OR5D18: variants seen among roughly 807,000 people sequenced by gnomAD.
OR5D18 encodes olfactory receptor family 5 subfamily D member 18.
For synonymous variants in OR5D18, 158 were observed against 152.5 expected, an observed-to-expected ratio of 1.04 and a Z score of -0.27; for missense variants, 394 against 367.3, an observed-to-expected ratio of 1.07 and a Z score of -0.59.
rs745671325 is a variant in OR5D18, at chr11:55,820,211, C to A, written c.582C>A (p.Tyr194Ter). 1.2e-6 allele frequency: 2 copies of A among 1,613,930 alleles called. No individual in the cohort carries two copies. The highest frequency in any genetic ancestry group is 2.2e-5 in the South Asian group (2 of 91,080). The change falls in exon 1 of 1, where the codon TAC becomes TAA. Residue 194 changes from tyrosine (Y) to a stop codon, truncating the protein, a stop_gained. Transcript: ENST00000333976. LOFTEE classifies it low-confidence loss of function (END_TRUNC). ...TCTCCCTTTCTTGCTCTGATACTTA[C>A]ATCAACCAGTGGCTGCTATTCTTTC... is the stretch of plus-strand genomic sequence containing the variant. ...SLLSLSCSDT[Y>*]INQWLLFFLA...
In OR5D18 at chr11:55,820,152, A is replaced by G; in HGVS notation, c.523A>G (p.Ile175Val). 1 of 1,613,898 alleles carries G rather than the reference A, an allele frequency of 6.2e-7. No individual in the cohort carries two copies. Among genetic ancestry groups the G allele is most frequent in the Non-Finnish European group, 8.5e-7 (1 of 1,179,980 alleles). ...LKLCFHGFNT[I>V]NHFFCEFSSL... ...GTTATGTTTTCATGGTTTCAACACA[A>G]TCAATCACTTCTTCTGTGAGTTCTC... is the stretch of plus-strand genomic sequence containing the variant. Residue 175 changes from isoleucine to valine, a missense_variant, in exon 1 of 1, where the codon ATC (isoleucine) becomes GTC (valine). Coordinates refer to ENST00000333976, the MANE Select transcript of OR5D18 (RefSeq NM_001001952.1).
In OR5D18 at chr11:55,820,423, C is replaced by G. The variant is rs145649648; in HGVS notation, c.794C>G (p.Ser265Cys). 21 of 1,613,780 alleles carry G rather than the reference C, an allele frequency of 1.3e-5. No homozygotes were observed. In the South Asian group the frequency reaches 2.0e-4, roughly 15 times the overall value. Residue 265 changes from serine to cysteine, a missense_variant, in exon 1 of 1, where the codon TCC becomes TGC. Physicochemically the swap from Ser to Cys is moderately radical, Grantham distance 112 (BLOSUM62 -1). Transcript: ENST00000333976. ...CTCTTCCTTTACTGTGTGCCCAACT[C>G]CAAAAACTCCAGGCACACAGTCAAA... ...TILFLYCVPN[S>C]KNSRHTVKVA...
chr11:55,820,293 ATTG>A lies in OR5D18; in HGVS notation c.669_671del (p.Val224del). The A allele has an allele frequency of 6.2e-7, 1 of 1,613,886 alleles. No individual in the cohort carries two copies. ...CATCGTTCTCACATCTTATGCGTTC[ATTG>A]TTGTAACCATCCTCAAGATGCGTTC... On this transcript the variant is annotated inframe_deletion, in exon 1 of 1. Transcript: ENST00000333976.
rs766606433 is a variant in OR5D18 at position 55,820,080 on chromosome 11, GCC to G, written c.452_453del (p.Ala151ValfsTer30). ...LCVLLVVGSY[A>X]WGVSCSLELT... ...CGTGCTGCTGGTTGTGGGATCCTAT[GCC>G]TGGGGAGTCTCATGTTCCTTGGAAC... On this transcript the variant is annotated frameshift_variant, in exon 1 of 1. Transcript: ENST00000333976. LOFTEE classifies it low-confidence loss of function (END_TRUNC). 7 of 1,613,922 alleles carry G rather than the reference GCC, an allele frequency of 4.3e-6. No homozygotes were observed. In the South Asian group the frequency reaches 7.7e-5, roughly 18 times the overall value.
rs200882880 is a variant in OR5D18, at chr11:55,820,128, T to G, written c.499T>G (p.Leu167Val). The change falls in exon 1 of 1, where the codon TTA becomes GTA. Residue 167 changes from leucine (L) to valine (V), a missense_variant. Coordinates refer to ENST00000333976, the MANE Select transcript of OR5D18 (RefSeq NM_001001952.1). ...GGAACTGACGTGCTCTGCTTTAAAG[T>G]TATGTTTTCATGGTTTCAACACAAT... The part of the protein sequence containing the change: ...SLELTCSALK[L>V]CFHGFNTINH... The G allele has an allele frequency of 1.9e-5, 31 of 1,613,936 alleles. No individual in the cohort carries two copies. In the Admixed American group the frequency reaches 2.0e-4, roughly 10 times the overall value.
Position 55,820,078 on chromosome 11 carries a change from A to C in OR5D18, c.449A>C (p.Tyr150Ser). The C allele has an allele frequency of 1.9e-6, 3 of 1,613,866 alleles. No homozygotes were observed. In the Admixed American group the frequency reaches 5.0e-5, roughly 27 times the overall value. ...TGCGTGCTGCTGGTTGTGGGATCCT[A>C]TGCCTGGGGAGTCTCATGTTCCTTG... is the stretch of plus-strand genomic sequence containing the variant. ...KLCVLLVVGS[Y>S]AWGVSCSLEL... Residue 150 changes from tyrosine to serine, a missense_variant, in exon 1 of 1, where the codon TAT becomes TCT. Transcript: ENST00000333976.
chr11:55,820,381 T>C lies in OR5D18; in HGVS notation c.752T>C (p.Ile251Thr). The C allele has an allele frequency of 6.2e-7, 1 of 1,614,030 alleles. No individual in the cohort carries two copies. Residue 251 changes from isoleucine to threonine, a missense_variant, in exon 1 of 1, where the codon ATC becomes ACC. Transcript: ENST00000333976. ...GCCTCCCACCTGACTGCCATCACCA[T>C]CTTCCATGGCACCATCCTCTTCCTT... ...TCASHLTAITIFHGTILFLYC... is the reference protein window; with the variant it reads ...TCASHLTAITTFHGTILFLYC...
In OR5D18 at chr11:55,819,768, A is replaced by T. The variant is rs946951910; in HGVS notation, c.139A>T (p.Ile47Phe). Residue 47 changes from isoleucine to phenylalanine, a missense_variant, in exon 1 of 1, where the codon ATT (isoleucine) becomes TTT (phenylalanine). By Grantham distance (21) the Ile-to-Phe change is conservative. Transcript: ENST00000333976. ...NVTVLGNIGLIVIIKINPKLH... is the reference protein window; with the variant it reads ...NVTVLGNIGLFVIIKINPKLH... ...CACTGTGCTAGGGAATATTGGGTTG[A>T]TTGTGATCATCAAAATCAACCCCAA... 2 of 1,613,864 alleles carry T rather than the reference A, an allele frequency of 1.2e-6. No homozygotes were observed. The highest frequency in any genetic ancestry group is 2.7e-5 in the African/African-American group (2 of 74,840).
Position 55,820,307 on chromosome 11 carries a change from C to A in OR5D18, c.678C>A (p.Ile226=). The change falls in exon 1 of 1, where the codon ATC becomes ATA. Residue 226 remains isoleucine, a synonymous_variant. Transcript: ENST00000333976. The part of the protein sequence containing the change: ...LTSYAFIVVT[I]LKMRSVSGRR... ...CTTATGCGTTCATTGTTGTAACCAT[C>A]CTCAAGATGCGTTCAGTCAGTGGGC... The A allele has an allele frequency of 6.2e-7, 1 of 1,613,946 alleles. No homozygotes were observed. Among genetic ancestry groups the A allele is most frequent in the Non-Finnish European group, 8.5e-7 (1 of 1,180,022 alleles).
Position 55,819,672 on chromosome 11 carries a change from C to G in OR5D18, c.43C>G (p.Leu15Val). Reference protein sequence around the residue: ...DRNTSGTTFTLLGFSDYPELQ... With the variant: ...DRNTSGTTFTVLGFSDYPELQ... ...AAATACAAGTGGGACCACGTTCACCCTCTTGGGCTTCTCAGATTACCCAGA... is the reference window on the plus strand; with the variant it reads ...AAATACAAGTGGGACCACGTTCACCGTCTTGGGCTTCTCAGATTACCCAGA... The change falls in exon 1 of 1, where the codon CTC becomes GTC. Residue 15 changes from leucine (L) to valine (V), a missense_variant. Physicochemically the swap from Leu to Val is conservative, Grantham distance 32 (BLOSUM62 1). Transcript: ENST00000333976. 1.9e-6 allele frequency: 3 copies of G among 1,612,712 alleles called. No homozygotes were observed. Among genetic ancestry groups the G allele is most frequent in the Non-Finnish European group, 2.5e-6 (3 of 1,179,310 alleles).
Position 55,820,496 on chromosome 11 carries a change from G to C in OR5D18, c.867G>C (p.Leu289=), listed in dbSNP as rs1853821764. Residue 289 remains leucine, a synonymous_variant, in exon 1 of 1, where the codon CTG becomes CTC. Transcript: ENST00000333976. ...YTVVIPMLNP[L]IYSLRNKDVK... The stretch of plus-strand genomic sequence containing the variant: ...TGGTGATCCCCATGTTGAATCCCCT[G>C]ATCTACAGTCTGAGAAATAAAGATG... 1 of 1,613,498 alleles carries C rather than the reference G, an allele frequency of 6.2e-7. No individual in the cohort carries two copies. The highest frequency in any genetic ancestry group is 1.3e-5 in the African/African-American group (1 of 74,648).
Position 55,820,413 on chromosome 11 carries a change from G to C in OR5D18, c.784G>C (p.Val262Leu). The change falls in exon 1 of 1, where the codon GTG becomes CTG. Residue 262 changes from valine (V) to leucine (L), a missense_variant. Physicochemically the swap from Val to Leu is conservative, Grantham distance 32. Transcript: ENST00000333976. ...FHGTILFLYC[V>L]PNSKNSRHTV... ...TGGCACCATCCTCTTCCTTTACTGT[G>C]TGCCCAACTCCAAAAACTCCAGGCA... 1.2e-6 allele frequency: 2 copies of C among 1,613,540 alleles called. No individual in the cohort carries two copies. The highest frequency in any genetic ancestry group is 1.7e-6 in the Non-Finnish European group (2 of 1,179,968).
In OR5D18 at chr11:55,820,541, G is replaced by A; in HGVS notation, c.912G>A (p.Glu304=). ...RNKDVKDTVT[E]ILDTKVFSY Reference sequence around the variant, plus strand: ...AAGATGTCAAGGATACAGTCACCGAGATACTGGACACCAAAGTCTTCTCTT... The same window carrying A: ...AAGATGTCAAGGATACAGTCACCGAAATACTGGACACCAAAGTCTTCTCTT... The change falls in exon 1 of 1, where the codon GAG becomes GAA. Residue 304 remains glutamate, a synonymous_variant. Coordinates refer to ENST00000333976, the MANE Select transcript of OR5D18 (RefSeq NM_001001952.1). 6.2e-7 allele frequency: 1 copy of A among 1,610,018 alleles called. No homozygotes were observed. The highest frequency in any genetic ancestry group is 1.1e-5 in the South Asian group (1 of 91,032).
rs752720146 is a variant in OR5D18 at position 55,820,504 on chromosome 11, G to A, written c.875G>A (p.Ser292Asn). 3.1e-6 allele frequency: 5 copies of A among 1,613,692 alleles called. No individual in the cohort carries two copies. In the South Asian group the frequency reaches 4.4e-5, roughly 14 times the overall value. The change falls in exon 1 of 1, where the codon AGT becomes AAT. Residue 292 changes from serine (S) to asparagine (N), a missense_variant. Physicochemically the swap from Ser to Asn is conservative, Grantham distance 46. Transcript: ENST00000333976. ...CCCATGTTGAATCCCCTGATCTACA[G>A]TCTGAGAAATAAAGATGTCAAGGAT... Reference protein sequence around the residue: ...VIPMLNPLIYSLRNKDVKDTV... With the variant: ...VIPMLNPLIYNLRNKDVKDTV...
In OR5D18 at chr11:55,820,365, C is replaced by G; in HGVS notation, c.736C>G (p.Leu246Val). 1 of 1,613,966 alleles carries G rather than the reference C, an allele frequency of 6.2e-7. No homozygotes were observed. Among genetic ancestry groups the G allele is most frequent in the African/African-American group, 1.3e-5 (1 of 74,874 alleles). Reference protein sequence around the residue: ...RKAFSTCASHLTAITIFHGTI... With the variant: ...RKAFSTCASHVTAITIFHGTI... ...AGCCTTCTCCACCTGTGCCTCCCACCTGACTGCCATCACCATCTTCCATGG... is the reference window on the plus strand; with the variant it reads ...AGCCTTCTCCACCTGTGCCTCCCACGTGACTGCCATCACCATCTTCCATGG... Residue 246 changes from leucine (L) to valine (V), a missense_variant, in exon 1 of 1, where the codon CTG becomes GTG. Coordinates refer to ENST00000333976, the MANE Select transcript of OR5D18 (RefSeq NM_001001952.1).
rs1853810089 is a variant in OR5D18 at position 55,819,922 on chromosome 11, G to A, written c.293G>A (p.Cys98Tyr). Reference protein sequence around the residue: ...VKDRTISFLGCVVQFFFFCTF... With the variant: ...VKDRTISFLGYVVQFFFFCTF... ...GACAGAACCATTTCATTTTTAGGAT[G>A]CGTAGTACAATTCTTTTTCTTCTGT... Residue 98 changes from cysteine (C) to tyrosine (Y), a missense_variant, in exon 1 of 1, where the codon TGC becomes TAC. Physicochemically the swap from Cys to Tyr is radical, Grantham distance 194 (BLOSUM62 -2). Transcript: ENST00000333976. The A allele has an allele frequency of 2.5e-6, 4 of 1,613,898 alleles. No homozygotes were observed. In the South Asian group the frequency reaches 3.3e-5, roughly 13 times the overall value.
chr11:55,820,466 C>T lies in OR5D18; in HGVS notation c.837C>T (p.Tyr279=), dbSNP rs1379836479. 2 of 1,613,890 alleles carry T rather than the reference C, an allele frequency of 1.2e-6. No individual in the cohort carries two copies. The highest frequency in any genetic ancestry group is 1.7e-5 in the Admixed American group (1 of 59,988). ...RHTVKVASVF[Y]TVVIPMLNPL... The stretch of plus-strand genomic sequence containing the variant: ...CAGTCAAAGTGGCCTCTGTGTTTTA[C>T]ACCGTGGTGATCCCCATGTTGAATC... The change falls in exon 1 of 1, where the codon TAC becomes TAT. Residue 279 remains tyrosine, a synonymous_variant. Transcript: ENST00000333976.
Position 55,820,409 on chromosome 11 carries a change from C to T in OR5D18, c.780C>T (p.Tyr260=). The change falls in exon 1 of 1, where the codon TAC becomes TAT. Residue 260 remains tyrosine (Y), a synonymous_variant. Coordinates refer to ENST00000333976, the MANE Select transcript of OR5D18 (RefSeq NM_001001952.1). ...TIFHGTILFL[Y]CVPNSKNSRH... ...TCCATGGCACCATCCTCTTCCTTTACTGTGTGCCCAACTCCAAAAACTCCA... is the reference window on the plus strand; with the variant it reads ...TCCATGGCACCATCCTCTTCCTTTATTGTGTGCCCAACTCCAAAAACTCCA... 3 of 1,614,002 alleles carry T rather than the reference C, an allele frequency of 1.9e-6. No individual in the cohort carries two copies. Among genetic ancestry groups the T allele is most frequent in the Non-Finnish European group, 2.5e-6 (3 of 1,180,028 alleles).
In OR5D18 at chr11:55,820,156, A is replaced by G; in HGVS notation, c.527A>G (p.Asn176Ser). The stretch of plus-strand genomic sequence containing the variant: ...TGTTTTCATGGTTTCAACACAATCA[A>G]TCACTTCTTCTGTGAGTTCTCCTCA... ...KLCFHGFNTI[N>S]HFFCEFSSLL... The change falls in exon 1 of 1, where the codon AAT becomes AGT. Residue 176 changes from asparagine (N) to serine (S), a missense_variant. Coordinates refer to ENST00000333976, the MANE Select transcript of OR5D18 (RefSeq NM_001001952.1). The G allele has an allele frequency of 6.2e-7, 1 of 1,613,846 alleles. No homozygotes were observed. Among genetic ancestry groups the G allele is most frequent in the Non-Finnish European group, 8.5e-7 (1 of 1,179,972 alleles).
Sources: allele counts gnomAD v4.1 joint callset, GRCh38; gene constraint gnomAD v4.1.1; transcripts MANE v1.5; gene names NCBI Gene and HGNC (gene_info 2026-07-23, HGNC 2026-07-21).